Variants in TAF3 observed in about 807,000 individuals in gnomAD.
The protein encoded by TAF3 is transcription initiation factor TFIID subunit 3.
Under a neutral mutation model 80.6 loss-of-function variants are expected in TAF3, and 7 were observed. That is an observed-to-expected ratio of 0.09 (90% CI 0.05 to 0.16). The LOEUF is 0.16. TAF3 is among the 10% of genes least tolerant of loss of function. The probability of loss-of-function intolerance (pLI) is 1.00; values close to 1 mark genes in which losing one functional copy is unlikely to be tolerated. For missense variants in TAF3, 921 were observed against 1,140.2 expected, an observed-to-expected ratio of 0.81 and a Z score of 2.77; for synonymous variants, 444 against 446.1, an observed-to-expected ratio of 1.00 and a Z score of 0.06.
At chr10:7,936,068 A>G (rs2182861) in intron 2 of TAF3, among the ~76,000 whole-genome samples, 83,507 of 151,878 alleles carry the variant, frequency 0.55, 24,484 homozygotes, top group East Asian at 0.71. Flanking sequence ...GACTAGTGTG[A>G]TTGTATCGTA....
At chr10:8,002,129 TCC>T (rs1180377714) in intron 4 of TAF3, among the ~76,000 whole-genome samples, 1 of 152,216 alleles carries the variant, frequency 6.6e-6, no homozygotes, top group East Asian at 1.9e-4. Context: ...ACTCTCTTCT[TCC>T]TATCATCCTC....
intron 2 of TAF3, among the ~76,000 whole-genome samples, chr10:7,844,200 T>C (rs1564345794): frequency 6.6e-6 from 1 of 152,274 alleles, no homozygotes; most frequent in East Asian, 1.9e-4. Context: ...CTTTGTGATA[T>C]CCTATCTGAA....
In TAF3 at chr10:7,999,878, GTGCAGCTCCT is replaced by G. The variant is rs767790198; in HGVS notation, c.2316-9197_2316-9188del. 2.5e-4 allele frequency among the ~76,000 whole-genome samples: 38 copies of G among 152,324 alleles called. 1 individual carries two copies. Among genetic ancestry groups the G allele is most frequent in the Admixed American group, 5.9e-4 (9 of 15,298 alleles). On this transcript the variant is annotated intron_variant, in intron 4 of 6. Transcript: ENST00000344293. ...GCACTCAACTTAGACGCACTCGATT[GTGCAGCTCCT>G]TGATCTCACTCAGAGCTTTGAATTT... is the stretch of plus-strand genomic sequence containing the variant.
At chr10:7,894,859 T>C (rs1837491220) in intron 2 of TAF3, among the ~76,000 whole-genome samples, 2 of 152,116 alleles carry the variant, frequency 1.3e-5, no homozygotes, top group Admixed American at 1.3e-4. Flanking sequence ...TGCTCAAGCT[T>C]CTAATTCCCT....
intron 4 of TAF3, among the ~76,000 whole-genome samples, chr10:7,995,942 T>C (rs1026378793): frequency 6.6e-6 from 1 of 152,204 alleles, no homozygotes; most frequent in Non-Finnish European, 1.5e-5. Context: ...TGTTTTTTGA[T>C]CCAATCTGAA....
intron 2 of TAF3, among the ~76,000 whole-genome samples, chr10:7,829,063 A>G (rs1214718173): frequency 6.7e-6 from 1 of 149,510 alleles, no homozygotes; most frequent in African/African-American, 2.4e-5. Context: ...AAAAAGGAAT[A>G]TAAACCATGT....
At chr10:8,006,334 C>T (rs1831993443) in intron 4 of TAF3, among the ~76,000 whole-genome samples, 1 of 151,814 alleles carries the variant, frequency 6.6e-6, no homozygotes, top group Non-Finnish European at 1.5e-5. Flanking sequence ...CAAGACTGCG[C>T]CATTACACTC....
intron 2 of TAF3, among the ~76,000 whole-genome samples, chr10:7,908,136 A>G (rs1175461347): frequency 1.3e-5 from 2 of 152,092 alleles, no homozygotes; most frequent in African/African-American, 4.8e-5. Context: ...CTCCATTGCC[A>G]TTTCCTCTTG....
chr10:7,953,715 T>TA (rs1215941110), intron 2 of TAF3, among the ~76,000 whole-genome samples: 2 of 152,232 alleles, frequency 1.3e-5, no homozygotes, highest in African/African-American at 4.8e-5. Context: ...CATGTCTTAT[T>TA]TGTCTTTGTA....
At chr10:8,008,946 C>A in intron 4 of TAF3, 132 bp from the exon 5 acceptor site, 1 of 1,323,410 alleles carries the variant, frequency 7.6e-7, no homozygotes, top group East Asian at 3.0e-5. Context: ...GAACTCAGTT[C>A]TTGAGCTGCC....
chr10:7,965,787 T>C, intron 3 of TAF3, 45 bp downstream of exon 3: 1 of 1,450,496 alleles, frequency 6.9e-7, no homozygotes, highest in Non-Finnish European at 9.1e-7. Flanking sequence ...AGAGTCCTAG[T>C]GAGAAACACA....
At chr10:7,969,318 C>T (rs902869452) in intron 3 of TAF3, among the ~76,000 whole-genome samples, 7 of 151,956 alleles carry the variant, frequency 4.6e-5, no homozygotes, top group Admixed American at 2.6e-4. Flanking sequence ...ATGTTAAGAG[C>T]ACTTATATTA....
intron 2 of TAF3, among the ~76,000 whole-genome samples, chr10:7,950,870 G>C (rs984668803): frequency 1.3e-5 from 2 of 152,206 alleles, no homozygotes; most frequent in Admixed American, 6.5e-5. Flanking sequence ...TGGCCCCAAA[G>C]CATAGTGCTG....
At chr10:7,969,715 C>T (rs1211003154) in intron 3 of TAF3, among the ~76,000 whole-genome samples, 2 of 152,158 alleles carry the variant, frequency 1.3e-5, no homozygotes, top group African/African-American at 2.4e-5. Context: ...CGAATATGAT[C>T]TGGAAAGGCA....
chr10:8,011,741 G>A (rs76698396), intron 5 of TAF3, among the ~76,000 whole-genome samples: 1,632 of 152,300 alleles, frequency 0.011, 18 homozygotes, highest in Middle Eastern at 0.031. Flanking sequence ...TGACCTTCGT[G>A]TCTTCATCTG....
At chr10:7,961,229 A>T (rs1274535304) in intron 2 of TAF3, among the ~76,000 whole-genome samples, 3 of 152,218 alleles carry the variant, frequency 2.0e-5, no homozygotes, top group African/African-American at 7.2e-5. Flanking sequence ...GGCGGAGAAG[A>T]TGGGAGAGAA....
At chr10:7,968,133 A>T (rs1012508045) in intron 3 of TAF3, among the ~76,000 whole-genome samples, 4 of 152,182 alleles carry the variant, frequency 2.6e-5, no homozygotes, top group Non-Finnish European at 5.9e-5. Context: ...CAAAGGTTAA[A>T]CTAAAGTGAG....
At chr10:8,000,886 T>G (rs2047381863) in intron 4 of TAF3, among the ~76,000 whole-genome samples, 1 of 152,196 alleles carries the variant, frequency 6.6e-6, no homozygotes, top group African/African-American at 2.4e-5. Context: ...CACTCATACC[T>G]TCTTGTTTGC....
chr10:7,989,437 T>C (rs1007455230), intron 4 of TAF3, among the ~76,000 whole-genome samples: 3 of 152,216 alleles, frequency 2.0e-5, no homozygotes, highest in African/African-American at 7.2e-5. Context: ...TATTTCACGG[T>C]GCTGAGAAAC....
Sources: gnomAD v4.1 joint callset for allele counts (sites outside exome capture counted in the v4.1 genomes callset) on GRCh38, gnomAD v4.1.1 for gene constraint, MANE v1.5 for transcripts, NCBI Gene and HGNC (gene_info 2026-07-23, HGNC 2026-07-21) for gene names.